DTNBP1: variants seen among roughly 807,000 people sequenced by gnomAD.
DTNBP1 encodes the protein dystrobrevin binding protein 1.
A neutral mutation model predicts 42.8 loss-of-function variants in DTNBP1; 35 were observed. The ratio of observed to expected loss-of-function variants is 0.82; its 90% confidence interval spans 0.63 to 1.09. The LOEUF (loss-of-function observed/expected upper bound fraction) is 1.09, where lower values mean the gene tolerates loss of function less well. DTNBP1 is among the 50% of genes least tolerant of loss of function. The probability of loss-of-function intolerance (pLI) is 0.00; values close to 1 mark genes in which losing one functional copy is unlikely to be tolerated. For missense variants in DTNBP1, 457 were observed against 424.2 expected (o/e 1.08, Z -0.68); for synonymous variants, 171 against 162.2 (o/e 1.05, Z -0.41).
chr6:15,533,523 C>G, intron 7 of DTNBP1, 128 bp from the exon 8 acceptor site: 1 of 1,475,950 alleles, frequency 6.8e-7, no homozygotes, highest in African/African-American at 1.4e-5. Context: ...TGGGCTGGTG[C>G]CCCGACTGCG....
chr6:15,535,115 C>T (rs1773135304), intron 7 of DTNBP1, among the ~76,000 whole-genome samples: 1 of 151,628 alleles, frequency 6.6e-6, no homozygotes, highest in South Asian at 2.1e-4. Context: ...GGGCAGTCTC[C>T]CCCATGCTGT....
chr6:15,548,630 C>T (rs1257984835), intron 7 of DTNBP1, among the ~76,000 whole-genome samples: 1 of 152,128 alleles, frequency 6.6e-6, no homozygotes, highest in East Asian at 1.9e-4. Context: ...GGAATTTTCT[C>T]AGTAAGACAA....
chr6:15,615,531 T>G (rs1297556775), intron 5 of DTNBP1, 132 bp from the exon 6 acceptor site: 1 of 1,194,734 alleles, frequency 8.4e-7, no homozygotes, highest in Non-Finnish European at 1.2e-6. Flanking sequence ...TTATTAAACT[T>G]TCTTGAAGCA....
chr6:15,653,260 C>T (rs555880942), intron 1 of DTNBP1, among the ~76,000 whole-genome samples: 34 of 152,300 alleles, frequency 2.2e-4, no homozygotes, highest in African/African-American at 8.2e-4. Flanking sequence ...ATATCATTGA[C>T]TACATTTTGC....
At chr6:15,548,055 A>G (rs1386184151) in intron 7 of DTNBP1, among the ~76,000 whole-genome samples, 1 of 152,230 alleles carries the variant, frequency 6.6e-6, no homozygotes, top group Non-Finnish European at 1.5e-5. Flanking sequence ...TTAACCATAA[A>G]TTTCTATTAA....
In DTNBP1 at chr6:15,524,625, G is replaced by T; in HGVS notation, c.712C>A (p.Leu238Met). 2 of 1,613,838 alleles carry T rather than the reference G, an allele frequency of 1.2e-6. No individual in the cohort carries two copies. Among genetic ancestry groups the T allele is most frequent in the South Asian group, 2.2e-5 (2 of 91,080 alleles). ...MSSMEVNVDM[L>M]EQMDLMDISD... ...ATGTCCATCAGGTCCATCTGCTCCAGCATGTCCACGTTCACTTCCATGGAT... is the reference window on the plus strand; with the variant it reads ...ATGTCCATCAGGTCCATCTGCTCCATCATGTCCACGTTCACTTCCATGGAT... The change falls in exon 9 of 10, where the codon CTG (leucine) becomes ATG (methionine). Residue 238 changes from leucine (L) to methionine (M), a missense_variant. Leu to Met is a conservative substitution (Grantham distance 15, BLOSUM62 2). Transcript: ENST00000344537.
In DTNBP1 at chr6:15,663,026, C is replaced by G; in HGVS notation, c.-157G>C. ...CTGGTCCTCGCCGCCGCGCCGCAACCCCAGCCCCTTCCGCGTTCCCGCCCC... is the reference window on the plus strand; with the variant it reads ...CTGGTCCTCGCCGCCGCGCCGCAACGCCAGCCCCTTCCGCGTTCCCGCCCC... On this transcript the variant is annotated 5_prime_UTR_variant, in exon 1 of 10. Coordinates refer to ENST00000344537, the MANE Select transcript of DTNBP1 (RefSeq NM_032122.5). The G allele has an allele frequency of 9.9e-7, 1 of 1,005,168 alleles. No homozygotes were observed. The highest frequency in any genetic ancestry group is 1.4e-6 in the Non-Finnish European group (1 of 723,912). 62.3% of individuals were successfully genotyped at this position (1,005,168 alleles called of 1,614,324 possible).
chr6:15,576,281 G>A (rs1220440188), intron 7 of DTNBP1, among the ~76,000 whole-genome samples: 2 of 151,796 alleles, frequency 1.3e-5, no homozygotes, highest in African/African-American at 2.4e-5. Context: ...ACCACGCCCG[G>A]CTAATTTTTG....
intron 7 of DTNBP1, among the ~76,000 whole-genome samples, chr6:15,580,659 T>G (rs1264266149): frequency 1.3e-5 from 2 of 152,250 alleles, no homozygotes; most frequent in Non-Finnish European, 2.9e-5. Flanking sequence ...CAAAAATGTT[T>G]GAGGCTATTG....
Position 15,522,915 on chromosome 6 carries a change from G to T in DTNBP1, c.*60C>A. The T allele has an allele frequency of 6.2e-7, 1 of 1,613,958 alleles. No homozygotes were observed. The highest frequency in any genetic ancestry group is 1.3e-5 in the African/African-American group (1 of 75,064). The stretch of plus-strand genomic sequence containing the variant: ...ATAAAACAACCTGGCTTTCCAGGTG[G>T]AATTCCGCATACAGCCAAAACTGGA... On this transcript the variant is annotated 3_prime_UTR_variant, in exon 10 of 10. Transcript: ENST00000344537.
At chr6:15,616,545 C>A (rs911430511) in intron 5 of DTNBP1, among the ~76,000 whole-genome samples, 1 of 152,206 alleles carries the variant, frequency 6.6e-6, no homozygotes, top group Non-Finnish European at 1.5e-5. Flanking sequence ...TAACAGCGAT[C>A]CAGTGGGGAA....
chr6:15,662,520 G>A (rs1474987658), intron 1 of DTNBP1, among the ~76,000 whole-genome samples: 1 of 152,224 alleles, frequency 6.6e-6, no homozygotes, highest in Non-Finnish European at 1.5e-5. Context: ...AGCTGATGCT[G>A]CCGGGAAAGG....
intron 9 of DTNBP1, 77 bp from the exon 10 acceptor site, chr6:15,523,296 A>T (rs1772047833): frequency 6.3e-7 from 1 of 1,581,444 alleles, no homozygotes; most frequent in African/African-American, 1.3e-5. Flanking sequence ...CAGCTGTGGA[A>T]TGTGCCCGTC....
At chr6:15,608,703 A>C (rs114822497) in intron 6 of DTNBP1, among the ~76,000 whole-genome samples, 408 of 152,334 alleles carry the variant, frequency 2.7e-3, no homozygotes, top group African/African-American at 9.3e-3. Flanking sequence ...CCTGGAAATG[A>C]CTTTATTTCC....
intron 7 of DTNBP1, among the ~76,000 whole-genome samples, chr6:15,554,650 T>A (rs1038594975): frequency 6.6e-6 from 1 of 152,158 alleles, no homozygotes; most frequent in Admixed American, 6.5e-5. Context: ...GGTGGCCACA[T>A]GTACATATTC....
At chr6:15,573,773 T>C (rs1775442140) in intron 7 of DTNBP1, among the ~76,000 whole-genome samples, 1 of 152,218 alleles carries the variant, frequency 6.6e-6, no homozygotes. Flanking sequence ...AGTGGTGCGA[T>C]CTCGGCTGAC....
chr6:15,630,078 AT>A (rs759454004), intron 4 of DTNBP1, among the ~76,000 whole-genome samples: 17 of 152,176 alleles, frequency 1.1e-4, no homozygotes, highest in Non-Finnish European at 2.4e-4. Context: ...AGACAAACCC[AT>A]AGTGCTTTAT....
chr6:15,523,923 T>C (rs1772137577), intron 9 of DTNBP1: 1 of 1,287,346 alleles, frequency 7.8e-7, no homozygotes, highest in East Asian at 5.5e-5. Flanking sequence ...CTGGGACGAC[T>C]GAGCTTTGCC....
intron 9 of DTNBP1, chr6:15,524,104 C>A: frequency 7.5e-7 from 1 of 1,340,214 alleles, no homozygotes; most frequent in African/African-American, 1.5e-5. Context: ...TGAACACACA[C>A]CATGGCTTTG....
Sources: allele counts gnomAD v4.1 joint callset (sites outside exome capture counted in the v4.1 genomes callset), GRCh38; gene constraint gnomAD v4.1.1; transcripts MANE v1.5; gene names NCBI Gene and HGNC (gene_info 2026-07-23, HGNC 2026-07-21).